MICU3: variants seen among roughly 807,000 people sequenced by gnomAD.
The protein encoded by MICU3 is calcium uptake protein 3, mitochondrial.
MICU3 carries 62 observed loss-of-function variants against 66.5 expected under a neutral mutation model. The ratio of observed to expected loss-of-function variants is 0.93; its 90% CI spans 0.76 to 1.15. The LOEUF (loss-of-function observed/expected upper bound fraction) is 1.15. Among genes scored for constraint, MICU3 ranks in the 50% most tolerant of loss-of-function variants. The pLI is 0.00. For missense variants in MICU3, 779 were observed against 664.4 expected, an observed-to-expected ratio of 1.17 and a Z score of -1.90; for synonymous variants, 308 against 240.7, an observed-to-expected ratio of 1.28 and a Z score of -2.59.
chr8:17,050,857 G>C (rs1032643107), intron 1 of MICU3, among the ~76,000 whole-genome samples: 3 of 152,094 alleles, frequency 2.0e-5, no homozygotes, highest in Non-Finnish European at 4.4e-5. Context: ...TTTTTCAATG[G>C]GGGGGTTTAA....
At chr8:17,049,006 C>G (rs1173055079) in intron 1 of MICU3, among the ~76,000 whole-genome samples, 2 of 152,142 alleles carry the variant, frequency 1.3e-5, no homozygotes, top group Admixed American at 6.5e-5. Context: ...AAACAGTACA[C>G]AGTTCTGTAT....
chr8:17,029,516 A>G (rs1585133676), intron 1 of MICU3, among the ~76,000 whole-genome samples: 1 of 152,252 alleles, frequency 6.6e-6, no homozygotes, highest in South Asian at 2.1e-4. Context: ...TTTATTTTGT[A>G]CTTTTGTGCA....
At chr8:17,120,191 C>T (rs1038332967) in intron 14 of MICU3, 97 bp from the exon 15 acceptor site, 1 of 145,652 alleles carries the variant, frequency 6.9e-6, no homozygotes, top group African/African-American at 2.6e-5. Flanking sequence ...TATTGAATTC[C>T]TTACGTTTCA....
intron 12 of MICU3, among the ~76,000 whole-genome samples, chr8:17,114,585 A>G (rs960931884): frequency 6.6e-6 from 1 of 152,218 alleles, no homozygotes; most frequent in Non-Finnish European, 1.5e-5. Flanking sequence ...TCAGTTTTGC[A>G]TAATTTTCAA....
the MICU3 span, among the ~76,000 whole-genome samples, chr8:17,130,322 A>G: frequency 2.6e-5 from 4 of 152,146 alleles, no homozygotes; most frequent in African/African-American, 9.7e-5. Flanking sequence ...GTAGGAATTC[A>G]AAACCATCCT....
At chr8:17,112,255 C>T (rs1052880410) in intron 11 of MICU3, among the ~76,000 whole-genome samples, 8 of 152,152 alleles carry the variant, frequency 5.3e-5, no homozygotes, top group African/African-American at 1.9e-4. Flanking sequence ...ACTCTCAGTG[C>T]ATGTATTTTT....
At chr8:17,124,413 A>G (rs1442454643), downstream of MICU3, among the ~76,000 whole-genome samples, 1 of 152,128 alleles carries the variant, frequency 6.6e-6, no homozygotes, top group African/African-American at 2.4e-5. Context: ...GACCAGAACT[A>G]TACATGCATG....
chr8:17,117,052 A>C (rs1375904549), intron 13 of MICU3, among the ~76,000 whole-genome samples: 1 of 152,186 alleles, frequency 6.6e-6, no homozygotes, highest in Non-Finnish European at 1.5e-5. Context: ...ATCACAGCTC[A>C]CTGCAGCCTT....
chr8:17,057,350 T>C lies in MICU3; in HGVS notation c.382-6734T>C, dbSNP rs528375978. On this transcript the variant is annotated intron_variant, in intron 1 of 14. Coordinates refer to ENST00000318063, the MANE Select transcript of MICU3 (RefSeq NM_181723.3). ...GGGAGCAAATCAGGAGCTCAGTTCT[T>C]GTTCCCAGAACATAACAGGCGACAC... Among the ~76,000 whole-genome samples, 11 of 152,270 alleles carry C rather than the reference T, an allele frequency of 7.2e-5. No homozygotes were observed. In the East Asian group the frequency reaches 2.1e-3, roughly 29 times the overall value.
At position 17,027,268 on chromosome 8, in the gene MICU3, G is replaced by T. The variant is rs763839697; in HGVS notation, c.-12G>T. On this transcript the variant is annotated 5_prime_UTR_variant, in exon 1 of 15. Transcript: ENST00000318063. ...CTGCCCCCTCCCAGCTCTGGTGTGG[G>T]CGGCCTCCGCTATGGCTGCGCTGCG... is the stretch of plus-strand genomic sequence containing the variant. 5 of 1,364,346 alleles carry T rather than the reference G, an allele frequency of 3.7e-6. No homozygotes were observed. The highest frequency in any genetic ancestry group is 4.7e-6 in the Non-Finnish European group (5 of 1,064,804). 84.5% of individuals were successfully genotyped at this position (1,364,346 alleles called of 1,614,324 possible).
At chr8:17,125,563 C>G (rs1185838418), downstream of MICU3, among the ~76,000 whole-genome samples, 1 of 152,118 alleles carries the variant, frequency 6.6e-6, no homozygotes, top group Non-Finnish European at 1.5e-5. Flanking sequence ...TACGAGGAAT[C>G]TTGACTATCA....
At chr8:17,060,773 T>G (rs1817710836) in intron 1 of MICU3, among the ~76,000 whole-genome samples, 1 of 152,036 alleles carries the variant, frequency 6.6e-6, no homozygotes, top group African/African-American at 2.4e-5. Context: ...GTTATCTCTT[T>G]TATACATATT....
intron 1 of MICU3, among the ~76,000 whole-genome samples, chr8:17,036,385 G>T (rs1365398874): frequency 6.6e-6 from 1 of 152,132 alleles, no homozygotes; most frequent in Non-Finnish European, 1.5e-5. Context: ...TCCACAGTGT[G>T]GAAGGGGACC....
the MICU3 span, among the ~76,000 whole-genome samples, chr8:17,130,403 A>T: frequency 6.8e-4 from 103 of 152,112 alleles, 2 homozygotes; most frequent in African/African-American, 2.3e-3. Flanking sequence ...CATGCCTGTA[A>T]TCCCAGCTAC....
intron 1 of MICU3, among the ~76,000 whole-genome samples, chr8:17,030,950 TTTCTC>T (rs1811924470): frequency 6.6e-6 from 1 of 152,204 alleles, no homozygotes; most frequent in Non-Finnish European, 1.5e-5. Flanking sequence ...TTCCCATTCT[TTTCTC>T]TATCTTAGCT....
chr8:17,075,280 A>G (rs1820210333), intron 3 of MICU3, among the ~76,000 whole-genome samples: 1 of 152,180 alleles, frequency 6.6e-6, no homozygotes, highest in African/African-American at 2.4e-5. Context: ...GGGTTTCATT[A>G]CATAGGCATG....
intron 1 of MICU3, among the ~76,000 whole-genome samples, chr8:17,038,185 G>A (rs535358884): frequency 6.7e-4 from 102 of 152,262 alleles, no homozygotes; most frequent in Middle Eastern, 6.8e-3. Flanking sequence ...GGGCCCAGAG[G>A]TGGAATAATA....
intron 1 of MICU3, among the ~76,000 whole-genome samples, chr8:17,030,898 C>T (rs1003022248): frequency 1.3e-5 from 2 of 152,166 alleles, no homozygotes; most frequent in African/African-American, 4.8e-5. Flanking sequence ...TCCATCTCTT[C>T]AATTTTATAA....
chr8:17,052,674 T>A (rs1394937834), intron 1 of MICU3, among the ~76,000 whole-genome samples: 2 of 152,176 alleles, frequency 1.3e-5, no homozygotes, highest in Non-Finnish European at 2.9e-5. Context: ...ACAGACGCAT[T>A]TACTAAGCAT....
Sources: allele counts gnomAD v4.1 joint callset (sites outside exome capture counted in the v4.1 genomes callset), GRCh38; gene constraint gnomAD v4.1.1; transcripts MANE v1.5; gene names NCBI Gene and HGNC (gene_info 2026-07-23, HGNC 2026-07-21).